Variants in ZBED6 observed in about 807,000 individuals in gnomAD.
ZBED6 encodes the protein zinc finger BED domain-containing protein 6.
ZBED6 carries 40 observed loss-of-function variants against 58.4 expected under a neutral mutation model. The ratio of observed to expected loss-of-function variants is 0.68; its 90% confidence interval spans 0.53 to 0.89. The LOEUF is 0.89. Among genes scored for constraint, ZBED6 ranks in the 40% least tolerant of loss-of-function variants. The pLI is 0.00. For synonymous variants in ZBED6, 439 were observed against 350.6 expected, an observed-to-expected ratio of 1.25 and a Z score of -2.82; for missense variants, 1,057 against 1,003.9, an observed-to-expected ratio of 1.05 and a Z score of -0.71.
chr1:203,849,575 C>A, intron 13 of ZBED6, 136 bp from the exon 14 acceptor site: 1 of 830,868 alleles, frequency 1.2e-6, no homozygotes, highest in Non-Finnish European at 2.0e-6. Context: ...GTCTATTTAA[C>A]ATCAAATAAA....
intron 3 of ZBED6, 91 bp from the exon 4 acceptor site, chr1:203,828,208 C>A (rs1681188739): frequency 2.7e-6 from 4 of 1,491,916 alleles, no homozygotes; most frequent in Non-Finnish European, 2.7e-6. Context: ...GATTTTTGAA[C>A]CCTGTATGAA....
chr1:203,827,613 C>T (rs12724151), intron 3 of ZBED6, among the ~76,000 whole-genome samples: 15,875 of 150,840 alleles, frequency 0.11, 1,101 homozygotes, highest in Non-Finnish European at 0.15. Context: ...ACCCGGGAGG[C>T]GGAGCTTGCA....
At chr1:203,836,212 G>A (rs756520014) in intron 9 of ZBED6, among the ~76,000 whole-genome samples, 3 of 152,116 alleles carry the variant, frequency 2.0e-5, no homozygotes, top group Non-Finnish European at 4.4e-5. Context: ...GCAAGACCCT[G>A]TCTCTAAAAA....
At position 203,833,773 on chromosome 1, in the gene ZBED6, C is replaced by T. The variant is rs553351388; in HGVS notation, c.*3511-18C>T. 2 of 1,602,070 alleles carry T rather than the reference C, an allele frequency of 1.2e-6. No homozygotes were observed. The highest frequency in any genetic ancestry group is 1.1e-5 in the South Asian group (1 of 88,672). The stretch of plus-strand genomic sequence containing the variant: ...AAAATTGACTAAGGATAGAGAAATT[C>T]TGCTTTTGCCATTTCAGGAGAAGAA... On this transcript the variant is annotated intron_variant, in intron 8 of 16. Coordinates refer to ENST00000550078, the Ensembl canonical transcript of ZBED6.
chr1:203,824,702 G>A (rs1679915951), intron 3 of ZBED6, among the ~76,000 whole-genome samples: 1 of 152,122 alleles, frequency 6.6e-6, no homozygotes, highest in African/African-American at 2.4e-5. Flanking sequence ...TGGTGGTGCT[G>A]CTTAAAATGG....
intron 1 of ZBED6, among the ~76,000 whole-genome samples, chr1:203,810,210 A>C (rs1673904194): frequency 6.6e-6 from 1 of 151,680 alleles, no homozygotes; most frequent in Admixed American, 6.6e-5. Flanking sequence ...TCCTGGTCTC[A>C]AGTGATCCTC....
At chr1:203,838,807 G>T (rs1425928635) in intron 10 of ZBED6, among the ~76,000 whole-genome samples, 4 of 151,962 alleles carry the variant, frequency 2.6e-5, no homozygotes, top group Admixed American at 6.6e-5. Context: ...AAAAAAATTA[G>T]CTGGGCAGGG....
chr1:203,816,071 G>A (rs1056380496), intron 1 of ZBED6, among the ~76,000 whole-genome samples: 2 of 152,140 alleles, frequency 1.3e-5, no homozygotes, highest in African/African-American at 4.8e-5. Context: ...CTTTTCAGAA[G>A]TAATTGTTTT....
exon 2 of ZBED6, chr1:203,816,941 A>G (rs1676581388): frequency 1.7e-6 from 1 of 594,382 alleles, no homozygotes; most frequent in Non-Finnish European, 2.9e-6. Flanking sequence ...CAGTTTAAAG[A>G]CAATTTCTGT....
At chr1:203,811,834 T>C (rs1000181035) in intron 1 of ZBED6, among the ~76,000 whole-genome samples, 1 of 151,784 alleles carries the variant, frequency 6.6e-6, no homozygotes, top group African/African-American at 2.4e-5. Context: ...TTTTTTTTTT[T>C]TTTAGACAGG....
chr1:203,840,351 A>G (rs770536603), exon 11 of ZBED6: 1 of 1,613,320 alleles, frequency 6.2e-7, no homozygotes, highest in Admixed American at 1.7e-5. Context: ...ATGTCAGCTG[A>G]TCCAGATAAT....
chr1:203,828,518 T>G, intron 4 of ZBED6, 96 bp downstream of exon 4: 1 of 1,401,910 alleles, frequency 7.1e-7, no homozygotes, highest in Non-Finnish European at 9.7e-7. Flanking sequence ...CTTTCAGTCT[T>G]GTGAAACAGC....
chr1:203,851,703 C>G (rs557991684), intron 16 of ZBED6, among the ~76,000 whole-genome samples: 24 of 135,392 alleles, frequency 1.8e-4, no homozygotes, highest in Non-Finnish European at 3.1e-4. Flanking sequence ...CGGCTTATGC[C>G]TGTAATCCCA....
chr1:203,852,499 G>T, exon 17 of ZBED6: 1 of 1,371,006 alleles, frequency 7.3e-7, no homozygotes, highest in South Asian at 1.5e-5. Flanking sequence ...CTTTAGTCTA[G>T]AATTTGCCCC....
chr1:203,853,189 G>A (rs1689620688), exon 17 of ZBED6: 1 of 152,176 alleles, frequency 6.6e-6, no homozygotes, highest in Admixed American at 6.6e-5. Context: ...TTCTTCTTCA[G>A]TACTTGCCTC....
chr1:203,845,508 G>A (rs1488706537), intron 11 of ZBED6, among the ~76,000 whole-genome samples: 2 of 152,232 alleles, frequency 1.3e-5, no homozygotes, highest in Admixed American at 6.5e-5. Context: ...AGTGTACTGA[G>A]TGTTCAGTGC....
rs1312917652 is a variant in ZBED6 at position 203,852,637 on chromosome 1, CT to C, written c.*5371del. On this transcript the variant is annotated 3_prime_UTR_variant, in exon 17 of 17. Coordinates refer to ENST00000550078, the Ensembl canonical transcript of ZBED6. ...TTTATCATCTTTTGAGAAAAAAGTTCTGTCATACCCTTCTCTCCACAAAAAA... is the reference window on the plus strand; with the variant it reads ...TTTATCATCTTTTGAGAAAAAAGTTCGTCATACCCTTCTCTCCACAAAAAA... 3 of 522,486 alleles carry C rather than the reference CT, an allele frequency of 5.7e-6. No homozygotes were observed. The East Asian group carries it at 1.0e-4, about 18-fold the overall frequency. The allele number at this position is 522,486 out of a possible 1,614,324, so 32.4% of individuals were successfully genotyped here.
chr1:203,847,036 GAAAT>G lies in ZBED6; in HGVS notation c.*3742-143_*3742-140del, dbSNP rs1198607031. On this transcript the variant is annotated intron_variant, in intron 11 of 16. Coordinates refer to ENST00000550078, the Ensembl canonical transcript of ZBED6. ...AAAAAGAAAAAGAAAAAAAGGAAAA[GAAAT>G]AAATGTTACCCTTTTGATCCTTTTA... The G allele has an allele frequency of 2.0e-5, 17 of 865,844 alleles. No individual in the cohort carries two copies. The Admixed American group carries it at 3.4e-4, about 17-fold the overall frequency. 53.6% of individuals were successfully genotyped at this position (865,844 alleles called of 1,614,324 possible).
At chr1:203,819,844 A>G (rs1266538568) in intron 3 of ZBED6, among the ~76,000 whole-genome samples, 3 of 151,514 alleles carry the variant, frequency 2.0e-5, no homozygotes, top group African/African-American at 7.3e-5. Flanking sequence ...GACTCCAGCA[A>G]TTTTTTTAAA....
Sources: gnomAD v4.1 joint callset for allele counts (sites outside exome capture counted in the v4.1 genomes callset) on GRCh38, gnomAD v4.1.1 for gene constraint, MANE v1.5 for transcripts, NCBI Gene and HGNC (gene_info 2026-07-23, HGNC 2026-07-21) for gene names.